Variants in FAM78A observed in about 807,000 individuals in gnomAD.
The protein encoded by FAM78A is family with sequence similarity 78 member A.
Under a neutral mutation model 22.6 loss-of-function variants are expected in FAM78A, and 12 were observed. The ratio of observed to expected loss-of-function variants is 0.53; its 90% CI spans 0.34 to 0.86. The LOEUF (loss-of-function observed/expected upper bound fraction) is 0.86, where lower values mean the gene tolerates loss of function less well. FAM78A is among the 40% of genes least tolerant of loss of function. The pLI is 0.02. For missense variants in FAM78A, 322 were observed against 396.1 expected (o/e 0.81, Z 1.59); for synonymous variants, 151 against 155.8 (o/e 0.97, Z 0.23).
At chr9:131,277,777 C>A (rs376285440), upstream of FAM78A, among the ~76,000 whole-genome samples, 80 of 151,536 alleles carry the variant, frequency 5.3e-4, 1 homozygote, top group East Asian at 0.012. The surrounding 1 kb of genome is among the most constrained non-coding windows in gnomAD (Gnocchi z 8.4). Context: ...CTCTCGCCCC[C>A]ACCCCGCGCG....
At chr9:131,273,253 C>T (rs962325087) in intron 1 of FAM78A, among the ~76,000 whole-genome samples, 17 of 152,370 alleles carry the variant, frequency 1.1e-4, no homozygotes, top group Non-Finnish European at 1.9e-4. Context: ...GGACACCAAA[C>T]GGAACCCCGG....
At chr9:131,278,508 C>T (rs1178032605), upstream of FAM78A, among the ~76,000 whole-genome samples, 1 of 152,106 alleles carries the variant, frequency 6.6e-6, no homozygotes, top group African/African-American at 2.4e-5. Context: ...CCTGTTGGAC[C>T]CCGGCTGTGT....
chr9:131,276,239 C>A lies in FAM78A; in HGVS notation c.-60G>T. 2 of 1,406,494 alleles carry A rather than the reference C, an allele frequency of 1.4e-6. No homozygotes were observed. Among genetic ancestry groups the A allele is most frequent in the East Asian group, 2.3e-5 (1 of 43,074 alleles). 87.1% of individuals were successfully genotyped at this position (1,406,494 alleles called of 1,614,324 possible). ...GGCGCTGCTCTCCAATCTCAACTCT[C>A]AAGACCGATATCCATAGGATAGAAA... On this transcript the variant is annotated 5_prime_UTR_variant, in exon 1 of 2. An upstream open reading frame in the 5' UTR loses its in-frame stop. Transcript: ENST00000372271. The surrounding 1 kb of genome is among the most constrained non-coding windows in gnomAD (Gnocchi z 4.3).
upstream of FAM78A, among the ~76,000 whole-genome samples, chr9:131,278,648 C>T (rs578096036): frequency 6.6e-6 from 1 of 152,236 alleles, no homozygotes; most frequent in South Asian, 2.1e-4. Flanking sequence ...GTCCTTCCCC[C>T]CGTCCCCCCG....
upstream of FAM78A, among the ~76,000 whole-genome samples, chr9:131,279,712 G>C (rs1835524285): frequency 6.6e-6 from 1 of 152,206 alleles, no homozygotes; most frequent in African/African-American, 2.4e-5. Context: ...CCTCCGTCCT[G>C]GGCTCCGCCT....
chr9:131,270,620 C>A, intron 1 of FAM78A: 1 of 684,660 alleles, frequency 1.5e-6, no homozygotes, highest in Non-Finnish European at 2.7e-6. Context: ...CTCCCACCCA[C>A]CCCGCCCTTG....
chr9:131,277,929 G>A (rs1835505164), upstream of FAM78A, among the ~76,000 whole-genome samples: 1 of 148,922 alleles, frequency 6.7e-6, no homozygotes, highest in South Asian at 2.1e-4. The surrounding 1 kb of genome is among the most constrained non-coding windows in gnomAD (Gnocchi z 8.4). Context: ...CAGAAACTCG[G>A]CCCCTGCGCC....
upstream of FAM78A, among the ~76,000 whole-genome samples, chr9:131,278,036 G>T (rs867015136): frequency 3.6e-4 from 53 of 146,868 alleles, 1 homozygote; most frequent in South Asian, 9.8e-3. Context: ...GGGGATGCAG[G>T]TCCGCAGGCG....
intron 1 of FAM78A, among the ~76,000 whole-genome samples, chr9:131,262,452 G>A (rs1835285341): frequency 6.6e-6 from 1 of 150,826 alleles, no homozygotes. Context: ...CTCCAGCATG[G>A]GTGACAGAGT....
rs1057238154 is a variant in FAM78A at position 131,271,000 on chromosome 9, TC to T, written c.323+4856del. On this transcript the variant is annotated intron_variant, in intron 1 of 1. Coordinates refer to ENST00000372271, the MANE Select transcript of FAM78A (RefSeq NM_033387.4). ...CCCCTGCCCTGTCCTTTCCCACCAG[TC>T]TTTTTTTTTTTTTTTTTTTTTTGAG... Among the ~76,000 whole-genome samples the T allele has an allele frequency of 7.4e-5, 6 of 81,416 alleles. 1 individual carries two copies. In the South Asian group the frequency reaches 1.7e-3, roughly 23 times the overall value. 53.4% of individuals were successfully genotyped at this position (81,416 alleles called of 152,430 possible).
At chr9:131,277,589 C>T (rs950632822), upstream of FAM78A, among the ~76,000 whole-genome samples, 9 of 151,892 alleles carry the variant, frequency 5.9e-5, no homozygotes, top group African/African-American at 2.2e-4. This position sits in a 1 kb window ranked among gnomAD's most constrained non-coding sequence, Gnocchi z 8.4. Context: ...AGCCGCTCTC[C>T]GGACGCCCCT....
rs947280815 is a variant in FAM78A, at chr9:131,265,448, C to A, written c.324-4098G>T. On this transcript the variant is annotated intron_variant, in intron 1 of 1. Coordinates refer to ENST00000372271, the MANE Select transcript of FAM78A (RefSeq NM_033387.4). The surrounding 1 kb of genome is among the most constrained non-coding windows in gnomAD (Gnocchi z 4.3). ...TTATTTAGTAGAGATGGGGTTTCAC[C>A]GTGTTATTCAGGTTGGTCTCGAACT... is the stretch of plus-strand genomic sequence containing the variant. 6.6e-6 allele frequency among the ~76,000 whole-genome samples: 1 copy of A among 152,146 alleles called. No individual in the cohort carries two copies. Among genetic ancestry groups the A allele is most frequent in the Non-Finnish European group, 1.5e-5 (1 of 68,018 alleles).
At chr9:131,267,821 A>G (rs1433785109) in intron 1 of FAM78A, among the ~76,000 whole-genome samples, 1 of 151,878 alleles carries the variant, frequency 6.6e-6, no homozygotes, top group Non-Finnish European at 1.5e-5. Flanking sequence ...TGAGGCGGGC[A>G]GATCACAAGG....
rs1265820891 is a variant in FAM78A at position 131,260,628 on chromosome 9, G to T, written c.*194C>A. On this transcript the variant is annotated 3_prime_UTR_variant, in exon 2 of 2. Transcript: ENST00000372271. This position sits in a 1 kb window ranked among gnomAD's most constrained non-coding sequence, Gnocchi z 5.4. ...ACGTGGGGTCTGTCTGTCCTGCTTA[G>T]ATCTCCCCTCTCCCTGAAAGGAAGC... 1.8e-6 allele frequency: 1 copy of T among 570,700 alleles called. No homozygotes were observed. Among genetic ancestry groups the T allele is most frequent in the Non-Finnish European group, 2.9e-6 (1 of 343,256 alleles). 35.4% of individuals were successfully genotyped at this position (570,700 alleles called of 1,614,324 possible).
At position 131,274,012 on chromosome 9, in the gene FAM78A, G is replaced by GAGGGC. The variant is rs1296841561; in HGVS notation, c.323+1840_323+1844dup. On this transcript the variant is annotated intron_variant, in intron 1 of 1. Transcript: ENST00000372271. The surrounding 1 kb of genome is among the most constrained non-coding windows in gnomAD (Gnocchi z 4.2). ...ACCAGGAAGCCAGGACTGCGACAGG[G>GAGGGC]AGGGCAGGGTTGTCTCAGGTCCCAG... 6.6e-6 allele frequency among the ~76,000 whole-genome samples: 1 copy of GAGGGC among 152,230 alleles called. No homozygotes were observed. The highest frequency in any genetic ancestry group is 1.5e-5 in the Non-Finnish European group (1 of 68,032).
chr9:131,280,566 C>T (rs908125086), upstream of FAM78A, among the ~76,000 whole-genome samples: 9 of 152,194 alleles, frequency 5.9e-5, no homozygotes, highest in East Asian at 3.9e-4. Context: ...TGGGGAGACA[C>T]GGCCCCATCC....
At position 131,261,375 on chromosome 9, in the gene FAM78A, C is replaced by T; in HGVS notation, c.324-25G>A. 6.5e-7 allele frequency: 1 copy of T among 1,538,808 alleles called. No homozygotes were observed. Among genetic ancestry groups the T allele is most frequent in the Non-Finnish European group, 8.7e-7 (1 of 1,151,114 alleles). On this transcript the variant is annotated intron_variant, in intron 1 of 1. Transcript: ENST00000372271. This position sits in a 1 kb window ranked among gnomAD's most constrained non-coding sequence, Gnocchi z 7.1. ...CCTGAGGACAAGGAAGGCCAGTTCA[C>T]TCACTCGGTCACTCAAGGAGGGCTT...
rs1343826365 is a variant in FAM78A at position 131,259,307 on chromosome 9, A to G, written c.*1515T>C. On this transcript the variant is annotated 3_prime_UTR_variant, in exon 2 of 2. Transcript: ENST00000372271. ...TGGGTCAGGACTAAGTAAGCCCTGG[A>G]GCTCCAGTGACCTGGGACCGAGGGA... The G allele has an allele frequency of 1.3e-5, 2 of 152,372 alleles. No individual in the cohort carries two copies. The highest frequency in any genetic ancestry group is 2.4e-5 in the African/African-American group (1 of 41,416). 9.4% of individuals were successfully genotyped at this position (152,372 alleles called of 1,614,324 possible).
chr9:131,263,075 C>A (rs926675190), intron 1 of FAM78A, among the ~76,000 whole-genome samples: 7 of 151,776 alleles, frequency 4.6e-5, no homozygotes, highest in Non-Finnish European at 1.0e-4. Context: ...CCCTGTTCTA[C>A]TAAAAGTACA....
Sources: gnomAD v4.1 joint callset for allele counts (sites outside exome capture counted in the v4.1 genomes callset) on GRCh38, gnomAD v4.1.1 for gene constraint, Gnocchi (gnomAD v3.1) non-coding constraint, MANE v1.5 for transcripts, NCBI Gene and HGNC (gene_info 2026-07-23, HGNC 2026-07-21) for gene names.